ZER1: variants seen among roughly 807,000 people sequenced by gnomAD.
The protein encoded by ZER1 is protein zer-1 homolog.
In ZER1, 11 loss-of-function variants were observed where a neutral mutation model predicts 78.8. That is an observed-to-expected ratio of 0.14 (90% confidence interval 0.09 to 0.23). The LOEUF (loss-of-function observed/expected upper bound fraction) is 0.23. ZER1 is among the 10% of genes least tolerant of loss of function. The pLI is 1.00. For synonymous variants in ZER1, 400 were observed against 407.0 expected, an observed-to-expected ratio of 0.98 and a Z score of 0.21; for missense variants, 588 against 996.9, an observed-to-expected ratio of 0.59 and a Z score of 5.52.
chr9:128,734,839 G>A (rs1257657636), intron 14 of ZER1, among the ~76,000 whole-genome samples: 1 of 149,940 alleles, frequency 6.7e-6, no homozygotes, highest in Non-Finnish European at 1.5e-5. Flanking sequence ...ACCAGCTGAT[G>A]GTATGTGTTT....
intron 1 of ZER1, among the ~76,000 whole-genome samples, chr9:128,757,221 A>G (rs977750230): frequency 6.6e-6 from 1 of 152,218 alleles, no homozygotes; most frequent in Non-Finnish European, 1.5e-5. Context: ...CTGTTCATCA[A>G]AAGTTACCAC....
Position 128,733,372 on chromosome 9 carries a change from C to T in ZER1, c.2243+54G>A, listed in dbSNP as rs1316514019. Reference sequence around the variant, plus strand: ...TAACCTCCAGAGGGCGCCCGCTATGCCCTTACTCCCCTAAACCAAGGTTCC... The same window carrying T: ...TAACCTCCAGAGGGCGCCCGCTATGTCCTTACTCCCCTAAACCAAGGTTCC... On this transcript the variant is annotated intron_variant, in intron 15 of 15. Coordinates refer to ENST00000291900, the MANE Select transcript of ZER1 (RefSeq NM_006336.4). 7 of 1,542,586 alleles carry T rather than the reference C, an allele frequency of 4.5e-6. No individual in the cohort carries two copies. In the South Asian group the frequency reaches 4.6e-5, roughly 10 times the overall value.
upstream of ZER1, chr9:128,772,083 G>C (rs1258173910): frequency 1.3e-5 from 2 of 152,024 alleles, no homozygotes; most frequent in Non-Finnish European, 2.9e-5. Context: ...GGAGGAAGCC[G>C]CGGGATGCCC....
intron 8 of ZER1, chr9:128,746,253 T>C (rs1241197593): frequency 6.6e-6 from 1 of 152,216 alleles, no homozygotes. Flanking sequence ...CAGGTTCTGC[T>C]GGTTGCCCTT....
In ZER1 at chr9:128,755,265, C is replaced by T; in HGVS notation, c.158+143G>A. The stretch of plus-strand genomic sequence containing the variant: ...TGGATACACCACTATTCTCTTGCAG[C>T]CATGAACATCCATGTGCACACACAC... On this transcript the variant is annotated intron_variant, in intron 2 of 15. Coordinates refer to ENST00000291900, the MANE Select transcript of ZER1 (RefSeq NM_006336.4). The surrounding 1 kb of genome is among the most constrained non-coding windows in gnomAD (Gnocchi z 5.6). 1 of 1,210,948 alleles carries T rather than the reference C, an allele frequency of 8.3e-7. No individual in the cohort carries two copies. The highest frequency in any genetic ancestry group is 1.2e-6 in the Non-Finnish European group (1 of 842,456). 75.0% of individuals were successfully genotyped at this position (1,210,948 alleles called of 1,614,324 possible). A position where few individuals can be genotyped will look rare whatever the true frequency, so the allele number is the denominator to read the frequency against.
At chr9:128,763,948 T>C (rs946381677) in intron 1 of ZER1, among the ~76,000 whole-genome samples, 6 of 151,348 alleles carry the variant, frequency 4.0e-5, no homozygotes, top group African/African-American at 9.7e-5. Context: ...GATCACACCA[T>C]TGCACTCTAG....
In ZER1 at chr9:128,750,684, T is replaced by A. The variant is rs781372062; in HGVS notation, c.1291A>T (p.Ser431Cys). 1 of 1,614,164 alleles carries A rather than the reference T, an allele frequency of 6.2e-7. No individual in the cohort carries two copies. The highest frequency in any genetic ancestry group is 8.5e-7 in the Non-Finnish European group (1 of 1,180,026). ...ATAACCTGCCGGCGCAGCTTCACAC[T>A]CTGCTCTGAGCGGTACTCGGAATTT... The part of the protein sequence containing the change: ...LTNSEYRSEQ[S>C]VKLRRQVIQV... The change falls in exon 8 of 16, where the codon AGT (serine) becomes TGT (cysteine). Residue 431 changes from serine (S) to cysteine (C), a missense_variant. Physicochemically the swap from Ser to Cys is moderately radical, Grantham distance 112. This residue lies in a region of ZER1 where 406 missense variants were observed against 660.1 expected (regional missense o/e 0.62). Transcript: ENST00000291900.
At chr9:128,766,481 G>A (rs1389055208) in intron 1 of ZER1, among the ~76,000 whole-genome samples, 1 of 152,140 alleles carries the variant, frequency 6.6e-6, no homozygotes, top group Non-Finnish European at 1.5e-5. Context: ...AGGGGCTATG[G>A]CTATGCAATT....
rs893059867 is a variant in ZER1, at chr9:128,737,968, G to A, written c.2042+1963C>T. Among the ~76,000 whole-genome samples the A allele has an allele frequency of 5.9e-5, 9 of 152,210 alleles. No individual in the cohort carries two copies. In the East Asian group the frequency reaches 1.7e-3, roughly 29 times the overall value. ...TCCGCCTGCCTCAGCCTCCCAAAGT[G>A]CTGGGATTACAGGTGTGAGCCACTG... On this transcript the variant is annotated intron_variant, in intron 13 of 15. Coordinates refer to ENST00000291900, the MANE Select transcript of ZER1 (RefSeq NM_006336.4).
chr9:128,752,918 C>A, intron 4 of ZER1, 69 bp from the exon 5 acceptor site: 1 of 1,533,578 alleles, frequency 6.5e-7, no homozygotes. Flanking sequence ...CAGATCCCAG[C>A]TCCTTTAGTC....
intron 1 of ZER1, among the ~76,000 whole-genome samples, chr9:128,761,534 G>A (rs554477000): frequency 0.27 from 649 of 2,434 alleles, 4 homozygotes; most frequent in African/African-American, 0.28. Context: ...TGATCCACCC[G>A]CCTCGCCTCC....
intron 8 of ZER1, among the ~76,000 whole-genome samples, chr9:128,744,728 C>G (rs1863428214): frequency 6.6e-6 from 1 of 152,160 alleles, no homozygotes; most frequent in Non-Finnish European, 1.5e-5. Context: ...ATCCACCTGC[C>G]TCAGCCTCCC....
chr9:128,761,293 C>CT (rs940509158), intron 1 of ZER1, among the ~76,000 whole-genome samples: 12 of 151,290 alleles, frequency 7.9e-5, no homozygotes, highest in African/African-American at 2.7e-4. Context: ...ATGACCCCAC[C>CT]TTTTTTTTCT....
At chr9:128,752,236 A>C (rs1863702688) in intron 5 of ZER1, among the ~76,000 whole-genome samples, 1 of 151,958 alleles carries the variant, frequency 6.6e-6, no homozygotes, top group Non-Finnish European at 1.5e-5. Context: ...CCACCAGCTC[A>C]CACAGCCTCC....
chr9:128,751,327 CCCAGCTCAGTCTCCAGCCCCAGAAT>C lies in ZER1; in HGVS notation c.1038+61_1039-60del. The C allele has an allele frequency of 1.9e-6, 3 of 1,607,664 alleles. No homozygotes were observed. The South Asian group carries it at 3.3e-5, about 18-fold the overall frequency. On this transcript the variant is annotated intron_variant, in intron 6 of 15. Coordinates refer to ENST00000291900, the MANE Select transcript of ZER1 (RefSeq NM_006336.4). This position sits in a 1 kb window ranked among gnomAD's most constrained non-coding sequence, Gnocchi z 5.4. ...GAGGCCAAGGGCTGGGATGCCAGATCCCAGCTCAGTCTCCAGCCCCAGAATCCAGCTCCTTCTCTCTCCCAAGGCT... is the reference window on the plus strand; with the variant it reads ...GAGGCCAAGGGCTGGGATGCCAGATCCCAGCTCCTTCTCTCTCCCAAGGCT...
At chr9:128,741,875 G>A in intron 9 of ZER1, 34 bp from the exon 10 acceptor site, 1 of 1,614,100 alleles carries the variant, frequency 6.2e-7, no homozygotes, top group Non-Finnish European at 8.5e-7. Context: ...CTAGAGTGCT[G>A]GGGCTGAAGA....
At chr9:128,767,943 T>A (rs1032753166) in intron 1 of ZER1, among the ~76,000 whole-genome samples, 2 of 152,194 alleles carry the variant, frequency 1.3e-5, no homozygotes, top group Non-Finnish European at 2.9e-5. Flanking sequence ...CCCCAGCCAA[T>A]GTTTTCCAGC....
At chr9:128,760,284 C>T (rs531233764) in intron 1 of ZER1, among the ~76,000 whole-genome samples, 4 of 152,152 alleles carry the variant, frequency 2.6e-5, no homozygotes, top group Non-Finnish European at 4.4e-5. Context: ...CTCACTGCAA[C>T]CTCTGCCTCC....
chr9:128,755,730 C>A lies in ZER1; in HGVS notation c.-94-71G>T, dbSNP rs775439472. 5 of 893,448 alleles carry A rather than the reference C, an allele frequency of 5.6e-6. No homozygotes were observed. Among genetic ancestry groups the A allele is most frequent in the Non-Finnish European group, 8.3e-6 (5 of 605,802 alleles). The allele number at this position is 893,448 out of a possible 1,614,324, so 55.3% of individuals were successfully genotyped here. A position where few individuals can be genotyped will look rare whatever the true frequency, so the allele number is the denominator to read the frequency against. On this transcript the variant is annotated intron_variant, in intron 1 of 15. Transcript: ENST00000291900. This position sits in a 1 kb window ranked among gnomAD's most constrained non-coding sequence, Gnocchi z 5.6. ...AACTATCAGTGGTCCCATGTCCACG[C>A]TCTGAGTAGGGAAACTGAGACCACA...
Sources: allele counts gnomAD v4.1 joint callset (sites outside exome capture counted in the v4.1 genomes callset), GRCh38; gene constraint gnomAD v4.1.1; regional missense constraint gnomAD v4.1.1; non-coding constraint Gnocchi (gnomAD v3.1); transcripts MANE v1.5; gene names NCBI Gene and HGNC (gene_info 2026-07-23, HGNC 2026-07-21).